MTA3: variants seen among roughly 807,000 people sequenced by gnomAD.
MTA3 encodes the protein metastasis-associated protein MTA3.
In MTA3, 34 loss-of-function variants were observed where a neutral mutation model predicts 83.5. The observed-to-expected ratio is 0.41, with a 90% CI of 0.31 to 0.54. The LOEUF (loss-of-function observed/expected upper bound fraction) is 0.54. Among genes scored for constraint, MTA3 ranks in the 20% least tolerant of loss-of-function variants. The pLI is 0.33. For synonymous variants in MTA3, 303 were observed against 252.7 expected (o/e 1.20, Z -1.89); for missense variants, 761 against 726.4 (o/e 1.05, Z -0.55).
chr2:42,549,411 T>A (rs1224413482), intron 2 of MTA3, among the ~76,000 whole-genome samples: 2 of 116,614 alleles, frequency 1.7e-5, no homozygotes, highest in African/African-American at 6.9e-5. Context: ...ACGTATATAA[T>A]ATATATTATA....
rs984122422 is a variant in MTA3, at chr2:42,504,274, C to G, written c.-141+9020C>G. 2.6e-5 allele frequency among the ~76,000 whole-genome samples: 4 copies of G among 151,322 alleles called. No homozygotes were observed. In the East Asian group the frequency reaches 5.9e-4, roughly 22 times the overall value. ...TTTGAGTCTATCAAAAGACTTCGCTCTGTCATCCAAGCTGGAGTCTAGTGG... is the reference window on the plus strand; with the variant it reads ...TTTGAGTCTATCAAAAGACTTCGCTGTGTCATCCAAGCTGGAGTCTAGTGG... On this transcript the variant is annotated intron_variant, in intron 2 of 17. Transcript: ENST00000405592.
At chr2:42,682,722 G>A in intron 9 of MTA3, 133 bp downstream of exon 9, 2 of 800,950 alleles carry the variant, frequency 2.5e-6, no homozygotes, top group South Asian at 3.7e-5. Context: ...GTAAAATGAA[G>A]GTTAGTCTTG....
At chr2:42,643,410 C>T (rs937390941) in intron 5 of MTA3, among the ~76,000 whole-genome samples, 4 of 152,034 alleles carry the variant, frequency 2.6e-5, no homozygotes, top group Non-Finnish European at 5.9e-5. Flanking sequence ...GGACTGGTGC[C>T]AGGTCATTTT....
intron 5 of MTA3, among the ~76,000 whole-genome samples, chr2:42,642,064 C>T (rs370457045): frequency 7.2e-5 from 11 of 152,148 alleles, no homozygotes; most frequent in African/African-American, 2.4e-4. Context: ...GGCATAAAGA[C>T]GGTAACCCAA....
At chr2:42,520,388 T>C (rs986220193) in intron 2 of MTA3, among the ~76,000 whole-genome samples, 17 of 152,192 alleles carry the variant, frequency 1.1e-4, no homozygotes, top group African/African-American at 4.1e-4. Context: ...CTTGTTGAAC[T>C]GTACCACCAT....
intron 4 of MTA3, among the ~76,000 whole-genome samples, chr2:42,634,853 C>G (rs1240663933): frequency 1.3e-5 from 2 of 152,084 alleles, no homozygotes; most frequent in Non-Finnish European, 1.5e-5. Context: ...TCTCTCTTCC[C>G]TATTCCCTTT....
intron 4 of MTA3, among the ~76,000 whole-genome samples, chr2:42,612,408 G>A (rs997647156): frequency 1.3e-5 from 2 of 152,138 alleles, no homozygotes; most frequent in Admixed American, 1.3e-4. Context: ...TAGAGATGGT[G>A]TCTTGCCATG....
chr2:42,745,780 G>T (rs74829220), intron 16 of MTA3, among the ~76,000 whole-genome samples: 1 of 136,240 alleles, frequency 7.3e-6, no homozygotes, highest in Non-Finnish European at 1.6e-5. Flanking sequence ...CTGTTATTGG[G>T]TATATTTGTA....
At chr2:42,630,929 G>A (rs1448773348) in intron 4 of MTA3, among the ~76,000 whole-genome samples, 7 of 152,106 alleles carry the variant, frequency 4.6e-5, no homozygotes, top group Non-Finnish European at 7.4e-5. Context: ...TTATGGATAT[G>A]TTTATTGAAA....
At chr2:42,660,794 T>C (rs1689622474) in intron 8 of MTA3, among the ~76,000 whole-genome samples, 1 of 152,214 alleles carries the variant, frequency 6.6e-6, no homozygotes, top group African/African-American at 2.4e-5. Flanking sequence ...TTTGACATGC[T>C]TTTCATAAAA....
upstream of MTA3, among the ~76,000 whole-genome samples, chr2:42,563,682 G>A (rs1038345081): frequency 2.6e-5 from 4 of 151,852 alleles, no homozygotes; most frequent in Admixed American, 1.3e-4. Flanking sequence ...TAGCCAGGAC[G>A]GTCTCGATCT....
intron 6 of MTA3, among the ~76,000 whole-genome samples, chr2:42,645,360 A>C (rs1573453645): frequency 6.6e-6 from 1 of 152,050 alleles, no homozygotes; most frequent in Non-Finnish European, 1.5e-5. Context: ...TGCCATCTCT[A>C]CTAAAAATAC....
At chr2:42,500,986 A>G (rs868081987) in intron 2 of MTA3, among the ~76,000 whole-genome samples, 1 of 151,830 alleles carries the variant, frequency 6.6e-6, no homozygotes, top group Non-Finnish European at 1.5e-5. Flanking sequence ...AATTTTCTGT[A>G]TTTTTAGTAG....
At chr2:42,525,459 C>G (rs1675645686) in intron 2 of MTA3, among the ~76,000 whole-genome samples, 1 of 150,748 alleles carries the variant, frequency 6.6e-6, no homozygotes, top group African/African-American at 2.4e-5. Context: ...CTCAGCCTCC[C>G]AAAGTGCTAG....
chr2:42,553,221 C>G (rs1038542695), intron 2 of MTA3, among the ~76,000 whole-genome samples: 2 of 151,384 alleles, frequency 1.3e-5, no homozygotes, highest in Non-Finnish European at 2.9e-5. Context: ...GTCAGGAGAT[C>G]GAGACAATCC....
chr2:42,524,303 T>A (rs1289161640), intron 2 of MTA3, among the ~76,000 whole-genome samples: 2 of 150,914 alleles, frequency 1.3e-5, no homozygotes, highest in Admixed American at 6.6e-5. Flanking sequence ...CCATTATTAT[T>A]ATTTTTTTTT....
At chr2:42,671,611 T>TA (rs2104407792) in intron 8 of MTA3, among the ~76,000 whole-genome samples, 1 of 152,346 alleles carries the variant, frequency 6.6e-6, no homozygotes, top group East Asian at 1.9e-4. Context: ...CTGTAGCACA[T>TA]ATCTTTTAGT....
At chr2:42,639,000 C>G (rs1251860878) in intron 4 of MTA3, among the ~76,000 whole-genome samples, 1 of 147,830 alleles carries the variant, frequency 6.8e-6, no homozygotes, top group Non-Finnish European at 1.5e-5. Flanking sequence ...TAATTTTTTT[C>G]TTTGAATTGT....
chr2:42,572,350 G>C (rs1678584438), intron 2 of MTA3, among the ~76,000 whole-genome samples: 1 of 151,988 alleles, frequency 6.6e-6, no homozygotes, highest in Non-Finnish European at 1.5e-5. Flanking sequence ...TTGGGAAGCT[G>C]AGGCCTCAGG....
Sources: allele counts gnomAD v4.1 joint callset (sites outside exome capture counted in the v4.1 genomes callset), GRCh38; gene constraint gnomAD v4.1.1; transcripts MANE v1.5; gene names NCBI Gene and HGNC (gene_info 2026-07-23, HGNC 2026-07-21).